Variants in SGCE observed in about 807,000 individuals in gnomAD.
The protein encoded by SGCE is sarcoglycan epsilon.
In SGCE, 26 loss-of-function variants were observed where a neutral mutation model predicts 57.8. The observed-to-expected ratio is 0.45, with a 90% CI of 0.33 to 0.62. SGCE has a LOEUF of 0.62. Among genes scored for constraint, SGCE ranks in the 20% least tolerant of loss-of-function variants. SGCE has a pLI of 0.02. For synonymous variants in SGCE, 183 were observed against 189.5 expected, an observed-to-expected ratio of 0.97 and a Z score of 0.28; for missense variants, 468 against 548.6, an observed-to-expected ratio of 0.85 and a Z score of 1.47.
intron 1 of SGCE, 187 bp from the exon 2 acceptor site, chr7:94,630,028 G>A: frequency 3.4e-6 from 2 of 588,554 alleles, no homozygotes; most frequent in Admixed American, 3.5e-5. Flanking sequence ...GGACAAAATG[G>A]GAAAAAATTC....
intron 1 of SGCE, among the ~76,000 whole-genome samples, chr7:94,640,734 G>A (rs1474961356): frequency 2.6e-5 from 4 of 151,902 alleles, no homozygotes; most frequent in African/African-American, 4.8e-5. Flanking sequence ...TGCAACCTCC[G>A]CCTCCTGGGT....
intron 1 of SGCE, among the ~76,000 whole-genome samples, chr7:94,642,501 A>C (rs1382868685): frequency 6.6e-6 from 1 of 152,178 alleles, no homozygotes; most frequent in East Asian, 1.9e-4. Flanking sequence ...CATAGTAAAA[A>C]ATTCTAAAAC....
At chr7:94,627,496 C>T (rs1461920583) in intron 3 of SGCE, 2 of 152,100 alleles carry the variant, frequency 1.3e-5, no homozygotes, top group African/African-American at 2.4e-5. Context: ...CAACGCCTCC[C>T]ATTCCCATCA....
At chr7:94,653,129 A>G (rs1808124643) in intron 1 of SGCE, among the ~76,000 whole-genome samples, 1 of 152,176 alleles carries the variant, frequency 6.6e-6, no homozygotes, top group African/African-American at 2.4e-5. Context: ...CTAAAACCCT[A>G]GAACTTAAGC....
chr7:94,590,927 T>C (rs1445672930), intron 9 of SGCE: 1 of 152,200 alleles, frequency 6.6e-6, no homozygotes, highest in Admixed American at 6.6e-5. Flanking sequence ...TCTTAATCTA[T>C]AGGTAACACC....
At chr7:94,615,373 G>C (rs200467077) in intron 5 of SGCE, among the ~76,000 whole-genome samples, 1 of 36,990 alleles carries the variant, frequency 2.7e-5, no homozygotes, top group African/African-American at 1.3e-4. Flanking sequence ...TAAATAGATA[G>C]ATAGATAGAT....
rs71123907 is a variant in SGCE, at chr7:94,648,376, CAAAAAAAAAAAAA to C, written c.109+7601_109+7613del. The stretch of plus-strand genomic sequence containing the variant: ...GGCAACAAGAACAAAACTCTGTCTC[CAAAAAAAAAAAAA>C]AAAAAAAAAGAATTACTAATTAGTA... On this transcript the variant is annotated intron_variant, in intron 1 of 10. Transcript: ENST00000648936. Among the ~76,000 whole-genome samples, 35 of 65,086 alleles carry C rather than the reference CAAAAAAAAAAAAA, an allele frequency of 5.4e-4. No individual in the cohort carries two copies. In the Admixed American group the frequency reaches 5.7e-3, roughly 11 times the overall value. 42.7% of individuals were successfully genotyped at this position (65,086 alleles called of 152,430 possible).
intron 5 of SGCE, among the ~76,000 whole-genome samples, chr7:94,612,773 C>T (rs542202890): frequency 1.3e-5 from 2 of 152,234 alleles, no homozygotes; most frequent in South Asian, 4.2e-4. Context: ...ATCATTACCC[C>T]ACCCCACCTC....
At chr7:94,607,964 G>A (rs866355641) in intron 5 of SGCE, among the ~76,000 whole-genome samples, 2 of 152,232 alleles carry the variant, frequency 1.3e-5, no homozygotes, top group Middle Eastern at 3.4e-3. Flanking sequence ...AATACATGAG[G>A]CAAGAGCTGA....
At chr7:94,642,914 T>C (rs1459767875) in intron 1 of SGCE, among the ~76,000 whole-genome samples, 1 of 152,226 alleles carries the variant, frequency 6.6e-6, no homozygotes, top group Non-Finnish European at 1.5e-5. Context: ...AAATCATCTA[T>C]TAATGTGTCT....
intron 4 of SGCE, chr7:94,621,730 A>G (rs1037237474): frequency 6.6e-6 from 1 of 152,228 alleles, no homozygotes; most frequent in African/African-American, 2.4e-5. Flanking sequence ...AAACTTTTCA[A>G]TTATTCTGCT....
chr7:94,655,944 C>T (rs756105333), intron 1 of SGCE, 46 bp downstream of exon 1: 1 of 1,245,278 alleles, frequency 8.0e-7, no homozygotes, highest in Non-Finnish European at 1.2e-6. Flanking sequence ...GGGGAGGCGG[C>T]GGCCTGTTGG....
intron 5 of SGCE, among the ~76,000 whole-genome samples, chr7:94,605,157 C>T (rs1799920943): frequency 6.6e-6 from 1 of 151,888 alleles, no homozygotes; most frequent in Non-Finnish European, 1.5e-5. Context: ...ACTGAACAAG[C>T]ATCACACCGG....
At chr7:94,604,446 G>T (rs1189420189) in intron 5 of SGCE, among the ~76,000 whole-genome samples, 1 of 151,294 alleles carries the variant, frequency 6.6e-6, no homozygotes, top group Non-Finnish European at 1.5e-5. Flanking sequence ...ATTTGGATAA[G>T]GAAAAACAAA....
At chr7:94,655,837 A>G (rs1433424344) in intron 1 of SGCE, among the ~76,000 whole-genome samples, 153 bp downstream of exon 1, 2 of 150,378 alleles carry the variant, frequency 1.3e-5, no homozygotes, top group African/African-American at 4.9e-5. Flanking sequence ...AATGGGGTAC[A>G]GGGTGTACTG....
intron 5 of SGCE, among the ~76,000 whole-genome samples, chr7:94,611,183 A>G (rs1221441209): frequency 6.6e-6 from 1 of 152,236 alleles, no homozygotes; most frequent in Non-Finnish European, 1.5e-5. Flanking sequence ...TGTCTACACA[A>G]AGACTTGTAC....
At chr7:94,628,473 T>A in intron 2 of SGCE, 114 bp from the exon 3 acceptor site, 1 of 794,014 alleles carries the variant, frequency 1.3e-6, no homozygotes, top group Non-Finnish European at 2.1e-6. Flanking sequence ...TGTAGCCAAC[T>A]AAATACACAC....
intron 9 of SGCE, chr7:94,598,468 CT>C (rs1031404752): frequency 9.7e-5 from 31 of 321,060 alleles, no homozygotes; most frequent in East Asian, 1.5e-4. Context: ...GGATATGGTT[CT>C]TTTTTTTATA....
At chr7:94,633,066 T>C (rs935128857) in intron 1 of SGCE, among the ~76,000 whole-genome samples, 9 of 152,012 alleles carry the variant, frequency 5.9e-5, no homozygotes, top group African/African-American at 1.7e-4. Flanking sequence ...GAAATATACA[T>C]GTGTACAGTG....
Sources: allele counts gnomAD v4.1 joint callset (sites outside exome capture counted in the v4.1 genomes callset), GRCh38; gene constraint gnomAD v4.1.1; transcripts MANE v1.5; gene names NCBI Gene and HGNC (gene_info 2026-07-23, HGNC 2026-07-21).